TMEM132C: variants seen among roughly 807,000 people sequenced by gnomAD.
TMEM132C encodes transmembrane protein 132C, also known as protein phosphatase 1, regulatory subunit 152.
In TMEM132C, 29 loss-of-function variants were observed where a neutral mutation model predicts 61.4. The ratio of observed to expected loss-of-function variants is 0.47; its 90% confidence interval spans 0.35 to 0.64. The LOEUF (loss-of-function observed/expected upper bound fraction) is 0.64. TMEM132C is among the 30% of genes least tolerant of loss of function. The probability of loss-of-function intolerance (pLI) is 0.00; values close to 1 mark genes in which losing one functional copy is unlikely to be tolerated. For synonymous variants in TMEM132C, 656 were observed against 633.1 expected (o/e 1.04, Z -0.54); for missense variants, 1,408 against 1,476.9 (o/e 0.95, Z 0.76).
At chr12:128,546,938 C>T (rs1873971842) in intron 3 of TMEM132C, among the ~76,000 whole-genome samples, 1 of 152,218 alleles carries the variant, frequency 6.6e-6, no homozygotes, top group Admixed American at 6.5e-5. Flanking sequence ...TCTGTCATGT[C>T]CATTCAGTCC....
intron 2 of TMEM132C, among the ~76,000 whole-genome samples, chr12:128,507,847 G>A (rs552560003): frequency 5.9e-5 from 9 of 152,194 alleles, no homozygotes; most frequent in Non-Finnish European, 1.3e-4. Context: ...ACTGGCTGAG[G>A]CATGGGAACC....
intron 2 of TMEM132C, among the ~76,000 whole-genome samples, chr12:128,542,855 G>A (rs938581706): frequency 3.8e-5 from 3 of 79,300 alleles, no homozygotes; most frequent in Non-Finnish European, 7.2e-5. Flanking sequence ...ACAATACTTC[G>A]ATGCAAAAAA....
At chr12:128,296,110 T>A (rs1871406806) in intron 1 of TMEM132C, among the ~76,000 whole-genome samples, 1 of 152,216 alleles carries the variant, frequency 6.6e-6, no homozygotes, top group Non-Finnish European at 1.5e-5. Flanking sequence ...AGAGTATTTG[T>A]TGATTTGAGA....
intron 2 of TMEM132C, among the ~76,000 whole-genome samples, chr12:128,473,962 T>G (rs1453868904): frequency 6.6e-6 from 1 of 152,246 alleles, no homozygotes; most frequent in African/African-American, 2.4e-5. Flanking sequence ...AGTCACCCAC[T>G]GCAGGCCATG....
At chr12:128,489,612 T>C (rs1054424635) in intron 2 of TMEM132C, among the ~76,000 whole-genome samples, 4 of 146,896 alleles carry the variant, frequency 2.7e-5, no homozygotes, top group African/African-American at 9.9e-5. Context: ...TGAAAGTGAT[T>C]GTTTAAATCT....
chr12:128,399,526 TTTTC>T (rs1311254084), intron 1 of TMEM132C, among the ~76,000 whole-genome samples: 1 of 152,220 alleles, frequency 6.6e-6, no homozygotes, highest in Non-Finnish European at 1.5e-5. Flanking sequence ...CCAGATTTTT[TTTTC>T]TTTTTGGTTT....
intron 1 of TMEM132C, among the ~76,000 whole-genome samples, chr12:128,313,715 G>A (rs1872053515): frequency 6.6e-6 from 1 of 152,140 alleles, no homozygotes; most frequent in Non-Finnish European, 1.5e-5. Context: ...GGTCAAACTG[G>A]GATCCTGTTA....
chr12:128,374,179 G>C (rs11059668), intron 1 of TMEM132C, among the ~76,000 whole-genome samples: 21 of 152,220 alleles, frequency 1.4e-4, no homozygotes, highest in African/African-American at 1.9e-4. Context: ...GACACACACA[G>C]AGGTTGGGGG....
At chr12:128,283,621 C>T (rs919599836) in intron 1 of TMEM132C, among the ~76,000 whole-genome samples, 1 of 152,142 alleles carries the variant, frequency 6.6e-6, no homozygotes, top group African/African-American at 2.4e-5. Context: ...GTCTATCTAC[C>T]TATGCCTCCA....
intron 2 of TMEM132C, among the ~76,000 whole-genome samples, chr12:128,511,188 T>C (rs1403885288): frequency 6.6e-6 from 1 of 152,188 alleles, no homozygotes; most frequent in African/African-American, 2.4e-5. Context: ...AGGAGCTCTG[T>C]CTGGAGTACA....
chr12:128,490,111 G>T (rs1045811445), intron 2 of TMEM132C, among the ~76,000 whole-genome samples: 1 of 152,156 alleles, frequency 6.6e-6, no homozygotes, highest in Non-Finnish European at 1.5e-5. Flanking sequence ...ATGAGTGGGA[G>T]GCTAGCAAGG....
At chr12:128,609,796 C>T (rs147135643) in intron 3 of TMEM132C, among the ~76,000 whole-genome samples, 1 of 152,308 alleles carries the variant, frequency 6.6e-6, no homozygotes, top group African/African-American at 2.4e-5. Flanking sequence ...GCTCCTTAGT[C>T]AGACCTTTGA....
At chr12:128,343,530 G>A (rs527790471) in intron 1 of TMEM132C, among the ~76,000 whole-genome samples, 66 of 152,030 alleles carry the variant, frequency 4.3e-4, no homozygotes, top group African/African-American at 1.6e-3. Flanking sequence ...CCCTTACTGA[G>A]TATCTTATCC....
intron 3 of TMEM132C, among the ~76,000 whole-genome samples, chr12:128,573,977 C>T (rs1874998721): frequency 6.6e-6 from 1 of 151,224 alleles, no homozygotes; most frequent in African/African-American, 2.4e-5. Context: ...GGAGAGGTTT[C>T]CCCAAGGAAA....
intron 1 of TMEM132C, among the ~76,000 whole-genome samples, chr12:128,387,236 C>A (rs1321607940): frequency 6.6e-6 from 1 of 151,806 alleles, no homozygotes; most frequent in Non-Finnish European, 1.5e-5. Flanking sequence ...AATTCGGGAA[C>A]CCGCAGGACA....
intron 1 of TMEM132C, among the ~76,000 whole-genome samples, chr12:128,304,464 C>A (rs1050228453): frequency 6.6e-6 from 1 of 152,064 alleles, no homozygotes. Context: ...AAAAAATTAG[C>A]TGGGCATGGT....
chr12:128,661,165 C>G (rs1029473112), intron 4 of TMEM132C, among the ~76,000 whole-genome samples: 2 of 152,190 alleles, frequency 1.3e-5, no homozygotes, highest in African/African-American at 4.8e-5. Flanking sequence ...GGGGCACAAA[C>G]TGAAGTGCTG....
At chr12:128,412,921 T>C (rs933203864) in intron 1 of TMEM132C, among the ~76,000 whole-genome samples, 3 of 152,196 alleles carry the variant, frequency 2.0e-5, no homozygotes, top group African/African-American at 7.2e-5. Flanking sequence ...TTCATGATAC[T>C]CCACTGTGTG....
chr12:128,609,175 A>T (rs5029027), intron 3 of TMEM132C, among the ~76,000 whole-genome samples: 8 of 46,676 alleles, frequency 1.7e-4, no homozygotes, highest in African/African-American at 6.1e-4. Context: ...TGTAACCCCC[A>T]CCTCCCTGCA....
Sources: gnomAD v4.1 joint callset for allele counts (sites outside exome capture counted in the v4.1 genomes callset) on GRCh38, gnomAD v4.1.1 for gene constraint, MANE v1.5 for transcripts, NCBI Gene and HGNC (gene_info 2026-07-23, HGNC 2026-07-21) for gene names.